The following STAM2 variants were observed in gnomAD, a reference collection of about 807,000 sequenced individuals.
STAM2 encodes the protein signal transducing adapter molecule 2.
In STAM2, 51 loss-of-function variants were observed where a neutral mutation model predicts 65.6. That is an observed-to-expected ratio of 0.78 (90% CI 0.62 to 0.98). The LOEUF (loss-of-function observed/expected upper bound fraction) is 0.98, where lower values mean the gene tolerates loss of function less well. STAM2 is among the 50% of genes least tolerant of loss of function. The pLI, the probability that STAM2 is intolerant of heterozygous loss-of-function variation, is 0.00. For missense variants in STAM2, 584 were observed against 617.8 expected, an observed-to-expected ratio of 0.95 and a Z score of 0.58; for synonymous variants, 198 against 208.4, an observed-to-expected ratio of 0.95 and a Z score of 0.43.
chr2:152,147,897 T>C lies in STAM2; in HGVS notation c.300+127A>G, dbSNP rs188182472. ...ATTAAAAAATCAAATTTCAGAACAG[T>C]TTATTTCATTTCAATGATCTAAAAA... is the stretch of plus-strand genomic sequence containing the variant. On this transcript the variant is annotated intron_variant, in intron 4 of 13. Transcript: ENST00000263904. 4.0e-6 allele frequency: 3 copies of C among 741,194 alleles called. No homozygotes were observed. The East Asian group carries it at 8.3e-5, about 20-fold the overall frequency. The allele number at this position is 741,194 out of a possible 1,614,324, so 45.9% of individuals were successfully genotyped here.
intron 11 of STAM2, among the ~76,000 whole-genome samples, chr2:152,129,678 T>A (rs545308390): frequency 7.2e-5 from 11 of 152,046 alleles, no homozygotes; most frequent in Non-Finnish European, 1.3e-4. Context: ...AACTTCAAAT[T>A]GAAAATACAA....
At chr2:152,171,671 A>G (rs571093985) in intron 1 of STAM2, among the ~76,000 whole-genome samples, 3 of 152,260 alleles carry the variant, frequency 2.0e-5, no homozygotes, top group Admixed American at 6.5e-5. Flanking sequence ...CAATACACAC[A>G]TTAAAATGTC....
chr2:152,133,987 T>C (rs550431142), intron 8 of STAM2, among the ~76,000 whole-genome samples: 8 of 152,336 alleles, frequency 5.3e-5, no homozygotes, highest in South Asian at 2.1e-4. Context: ...ATAAAACTTA[T>C]TTTAAGCTAA....
intron 6 of STAM2, among the ~76,000 whole-genome samples, chr2:152,144,421 T>C (rs536225841): frequency 6.6e-6 from 1 of 152,346 alleles, no homozygotes; most frequent in East Asian, 1.9e-4. Flanking sequence ...TAAATTCATT[T>C]GATAGCATGT....
chr2:152,156,934 A>G (rs571938124), intron 1 of STAM2, among the ~76,000 whole-genome samples: 309 of 152,250 alleles, frequency 2.0e-3, no homozygotes, highest in Middle Eastern at 3.4e-3. Context: ...ACCAAAAACA[A>G]TGATAAAACA....
At chr2:152,129,236 T>A (rs1273768108) in intron 11 of STAM2, among the ~76,000 whole-genome samples, 2 of 152,140 alleles carry the variant, frequency 1.3e-5, no homozygotes, top group African/African-American at 4.8e-5. Context: ...CTCCTTGACC[T>A]CCCAGGCTCA....
rs375784550 is a variant in STAM2 at position 152,143,841 on chromosome 2, A to G, written c.690T>C (p.Ile230=). The change falls in exon 7 of 14, where the codon ATT becomes ATC. Residue 230 remains isoleucine, a synonymous_variant. Transcript: ENST00000263904. ...ELTFKHGEII[I]VLDDSDANWW... Reference sequence around the variant, plus strand: ...TTAAAACTTACCTGTCATCCAAAACAATAATTATTTCACCATGTTTAAAGG... The same window carrying G: ...TTAAAACTTACCTGTCATCCAAAACGATAATTATTTCACCATGTTTAAAGG... 3.0e-5 allele frequency: 49 copies of G among 1,608,942 alleles called. No individual in the cohort carries two copies. Among genetic ancestry groups the G allele is most frequent in the Admixed American group, 2.9e-4 (17 of 58,812 alleles).
chr2:152,123,615 T>C (rs946533512), intron 13 of STAM2, 151 bp downstream of exon 13: 25 of 778,440 alleles, frequency 3.2e-5, no homozygotes, highest in South Asian at 2.6e-4. Flanking sequence ...AATCTCAGTA[T>C]GGGTAGCAAA....
chr2:152,175,378 T>G (rs967874772), intron 1 of STAM2, among the ~76,000 whole-genome samples: 1 of 152,148 alleles, frequency 6.6e-6, no homozygotes, highest in Non-Finnish European at 1.5e-5. Flanking sequence ...AACGGCCCTT[T>G]GAGGGTCCCC....
chr2:152,152,747 C>T (rs1689469581), intron 1 of STAM2, among the ~76,000 whole-genome samples: 1 of 152,114 alleles, frequency 6.6e-6, no homozygotes, highest in African/African-American at 2.4e-5. Context: ...AGGAACTATA[C>T]TATGGTACAT....
rs1056827465 is a variant in STAM2, at chr2:152,118,917, A to G, written c.*1657T>C. 4 of 152,148 alleles carry G rather than the reference A, an allele frequency of 2.6e-5. No individual in the cohort carries two copies. Among genetic ancestry groups the G allele is most frequent in the African/African-American group, 9.7e-5 (4 of 41,450 alleles). 9.4% of individuals were successfully genotyped at this position (152,148 alleles called of 1,614,324 possible). On this transcript the variant is annotated 3_prime_UTR_variant, in exon 14 of 14. Transcript: ENST00000263904. Reference sequence around the variant, plus strand: ...ATAAACTGAGCTTTCAAATACTGCTAATTTTTCCACTTAAATGTAGATCAA... The same window carrying G: ...ATAAACTGAGCTTTCAAATACTGCTGATTTTTCCACTTAAATGTAGATCAA...
At chr2:152,160,035 A>G (rs931203507) in intron 1 of STAM2, among the ~76,000 whole-genome samples, 5 of 152,274 alleles carry the variant, frequency 3.3e-5, no homozygotes, top group African/African-American at 1.2e-4. Context: ...TCAGTGCTCA[A>G]TGGTGCCCAG....
rs1372904880 is a variant in STAM2, at chr2:152,133,492, A to G, written c.800-8T>C. The stretch of plus-strand genomic sequence containing the variant: ...TCAATTTGTCCACAGCCGCTATAGA[A>G]ACAAAGTAATTTTAAGTTCCTCAGC... On this transcript the variant is annotated splice_polypyrimidine_tract_variant and splice_region_variant and intron_variant, in intron 8 of 13. Coordinates refer to ENST00000263904, the MANE Select transcript of STAM2 (RefSeq NM_005843.6). 6.8e-6 allele frequency: 11 copies of G among 1,607,714 alleles called. No individual in the cohort carries two copies. The highest frequency in any genetic ancestry group is 9.3e-6 in the Non-Finnish European group (11 of 1,176,744).
At chr2:152,173,984 T>TTTTG (rs530560933) in intron 1 of STAM2, among the ~76,000 whole-genome samples, 1 of 152,154 alleles carries the variant, frequency 6.6e-6, no homozygotes, top group South Asian at 2.1e-4. Flanking sequence ...GACACAGTTT[T>TTTTG]TTTGTTTGTT....
At chr2:152,130,849 T>G (rs562548443) in intron 11 of STAM2, among the ~76,000 whole-genome samples, 1 of 151,014 alleles carries the variant, frequency 6.6e-6, no homozygotes, top group African/African-American at 2.4e-5. Flanking sequence ...ATACAAAAAT[T>G]AGCCGGGCAT....
At chr2:152,130,879 C>T (rs2105533513) in intron 11 of STAM2, among the ~76,000 whole-genome samples, 1 of 151,060 alleles carries the variant, frequency 6.6e-6, no homozygotes, top group South Asian at 2.1e-4. Flanking sequence ...CACCTGTAAT[C>T]CTAGCTACTT....
At chr2:152,130,610 C>G (rs1402998456) in intron 11 of STAM2, among the ~76,000 whole-genome samples, 1 of 151,430 alleles carries the variant, frequency 6.6e-6, no homozygotes, top group Non-Finnish European at 1.5e-5. Context: ...ATAATCCCAG[C>G]ACTTTGGGAA....
chr2:152,122,329 G>A (rs947573470), intron 13 of STAM2, among the ~76,000 whole-genome samples: 2 of 151,948 alleles, frequency 1.3e-5, no homozygotes, highest in Non-Finnish European at 2.9e-5. Context: ...GGAGTCAGAG[G>A]TTGGAAGATC....
intron 1 of STAM2, among the ~76,000 whole-genome samples, chr2:152,169,401 C>T (rs1326406878): frequency 6.6e-6 from 1 of 152,040 alleles, no homozygotes; most frequent in African/African-American, 2.4e-5. Context: ...CTCCATCTCC[C>T]GAGTAGCTCG....
Sources: allele counts gnomAD v4.1 joint callset (sites outside exome capture counted in the v4.1 genomes callset), GRCh38; gene constraint gnomAD v4.1.1; transcripts MANE v1.5; gene names NCBI Gene and HGNC (gene_info 2026-07-23, HGNC 2026-07-21).